The following MLPH variants were observed in gnomAD, a reference collection of about 807,000 sequenced individuals.
MLPH encodes exophilin-3.
In MLPH, 51 loss-of-function variants were observed where a neutral mutation model predicts 72.1. The ratio of observed to expected loss-of-function variants is 0.71; its 90% CI spans 0.56 to 0.89. The LOEUF is 0.89. MLPH is among the 40% of genes least tolerant of loss of function. The probability of loss-of-function intolerance (pLI) is 0.00; values close to 1 mark genes in which losing one functional copy is unlikely to be tolerated. For missense variants in MLPH, 743 were observed against 759.9 expected (o/e 0.98, Z 0.26); for synonymous variants, 301 against 310.1 (o/e 0.97, Z 0.31).
chr2:237,491,413 T>G (rs1008507222), intron 1 of MLPH, among the ~76,000 whole-genome samples: 2 of 152,234 alleles, frequency 1.3e-5, no homozygotes, highest in African/African-American at 4.8e-5. Context: ...AGAGCAGAGC[T>G]GGTCTGTCTG....
rs754491034 is a variant in MLPH, at chr2:237,512,093, C to A, written c.445+992C>A. 8.5e-5 allele frequency among the ~76,000 whole-genome samples: 13 copies of A among 152,318 alleles called. No individual in the cohort carries two copies. The highest frequency in any genetic ancestry group is 1.8e-4 in the Non-Finnish European group (12 of 68,028). ...ACCAAGGCGAGTTTCTCCAGGGCCACGAGGCAGCGCCTGGCTCCGGCAGCT... is the reference window on the plus strand; with the variant it reads ...ACCAAGGCGAGTTTCTCCAGGGCCAAGAGGCAGCGCCTGGCTCCGGCAGCT... On this transcript the variant is annotated intron_variant, in intron 4 of 15. Coordinates refer to ENST00000264605, the MANE Select transcript of MLPH (RefSeq NM_024101.7). This position sits in a 1 kb window ranked among gnomAD's most constrained non-coding sequence, Gnocchi z 5.5.
intron 1 of MLPH, among the ~76,000 whole-genome samples, chr2:237,490,186 C>T (rs536469166): frequency 1.3e-5 from 2 of 152,292 alleles, no homozygotes; most frequent in East Asian, 3.9e-4. Flanking sequence ...CCAGCTAGGG[C>T]AGGCACAGAG....
At chr2:237,538,854 G>T (rs2080598401) in intron 9 of MLPH, among the ~76,000 whole-genome samples, 1 of 152,228 alleles carries the variant, frequency 6.6e-6, no homozygotes, top group Admixed American at 6.5e-5. Context: ...AAGGCAGAAG[G>T]TCCCTGGGGT....
chr2:237,534,343 C>T (rs2080487054), intron 8 of MLPH, among the ~76,000 whole-genome samples: 1 of 152,198 alleles, frequency 6.6e-6, no homozygotes, highest in Admixed American at 6.5e-5. Flanking sequence ...CCCCACTCTC[C>T]CCTCTCTTGG....
At position 237,505,476 on chromosome 2, in the gene MLPH, C is replaced by T. The variant is rs1321613756; in HGVS notation, c.111-5098C>T. On this transcript the variant is annotated intron_variant, in intron 2 of 15. Transcript: ENST00000264605. This position sits in a 1 kb window ranked among gnomAD's most constrained non-coding sequence, Gnocchi z 4.5. ...GCCCACAGGACCCCTCATGCAGGCTCTTCCCCCGCCTGTGTGCTGGACCTT... is the reference window on the plus strand; with the variant it reads ...GCCCACAGGACCCCTCATGCAGGCTTTTCCCCCGCCTGTGTGCTGGACCTT... 6.6e-6 allele frequency among the ~76,000 whole-genome samples: 1 copy of T among 152,202 alleles called. No individual in the cohort carries two copies. The highest frequency in any genetic ancestry group is 1.5e-5 in the Non-Finnish European group (1 of 68,032).
intron 6 of MLPH, among the ~76,000 whole-genome samples, chr2:237,522,876 G>A (rs192043122): frequency 1.3e-5 from 2 of 152,206 alleles, no homozygotes; most frequent in Non-Finnish European, 2.9e-5. Context: ...TCACCGATGC[G>A]GTTGTACTGG....
chr2:237,538,199 C>T (rs1178167564), intron 9 of MLPH, among the ~76,000 whole-genome samples: 4 of 152,188 alleles, frequency 2.6e-5, no homozygotes, highest in Admixed American at 6.5e-5. Flanking sequence ...GCAGGAAACA[C>T]GCAACTGCTG....
At chr2:237,494,383 G>A (rs573665475) in intron 2 of MLPH, among the ~76,000 whole-genome samples, 4 of 152,142 alleles carry the variant, frequency 2.6e-5, no homozygotes, top group Admixed American at 2.6e-4. Flanking sequence ...AGGAAGAGAG[G>A]CAGTTGGAGA....
In MLPH at chr2:237,534,226, C is replaced by T. The variant is rs371336994; in HGVS notation, c.1021-338C>T. On this transcript the variant is annotated intron_variant, in intron 8 of 15. Transcript: ENST00000264605. The stretch of plus-strand genomic sequence containing the variant: ...TTAACTGATGTCTTCCTGTGCTGCT[C>T]GGTACCGGCAGTGACAGTGGCTGTC... 7.2e-5 allele frequency among the ~76,000 whole-genome samples: 11 copies of T among 152,290 alleles called. No individual in the cohort carries two copies. In the East Asian group the frequency reaches 9.7e-4, roughly 13 times the overall value.
chr2:237,520,095 C>T (rs2080148298), intron 6 of MLPH, 66 bp downstream of exon 6: 2 of 1,607,738 alleles, frequency 1.2e-6, no homozygotes, highest in African/African-American at 1.3e-5. Flanking sequence ...GCTCAGGCCC[C>T]AGGTGAGGGA....
chr2:237,526,117 G>A (rs1007885218), intron 7 of MLPH, among the ~76,000 whole-genome samples: 6 of 152,174 alleles, frequency 3.9e-5, no homozygotes, highest in Non-Finnish European at 5.9e-5. Flanking sequence ...CTGGTCAACC[G>A]GCCAACCATC....
intron 4 of MLPH, among the ~76,000 whole-genome samples, chr2:237,516,846 T>A (rs1213092856): frequency 6.7e-6 from 1 of 149,090 alleles, no homozygotes; most frequent in Non-Finnish European, 1.5e-5. Flanking sequence ...GATGGATGGA[T>A]GGATGGATGA....
chr2:237,518,064 G>C (rs896919109), intron 4 of MLPH: 2 of 275,962 alleles, frequency 7.2e-6, no homozygotes, highest in Non-Finnish European at 1.4e-5. Flanking sequence ...GCCACTGATT[G>C]ATTGGGTAGA....
chr2:237,551,011 T>G (rs924076086), intron 14 of MLPH, among the ~76,000 whole-genome samples: 39 of 152,356 alleles, frequency 2.6e-4, no homozygotes, highest in African/African-American at 9.4e-4. Flanking sequence ...ACAGGAATTT[T>G]GGGGTCTGAA....
At chr2:237,516,044 C>T (rs2080010487) in intron 4 of MLPH, among the ~76,000 whole-genome samples, 1 of 152,244 alleles carries the variant, frequency 6.6e-6, no homozygotes, top group Non-Finnish European at 1.5e-5. Context: ...GTTGACAATG[C>T]ACACTCCAAT....
At chr2:237,515,506 C>T (rs2079996669) in intron 4 of MLPH, among the ~76,000 whole-genome samples, 2 of 152,160 alleles carry the variant, frequency 1.3e-5, no homozygotes, top group Admixed American at 6.5e-5. Context: ...AGGATCCCCA[C>T]GGGGATCACA....
At chr2:237,532,529 C>G (rs116465608) in intron 8 of MLPH, among the ~76,000 whole-genome samples, 1 of 152,226 alleles carries the variant, frequency 6.6e-6, no homozygotes. Context: ...CAGACACTGA[C>G]GGTTTCCCAT....
chr2:237,514,849 C>T (rs1419343063), intron 4 of MLPH, among the ~76,000 whole-genome samples: 4 of 152,190 alleles, frequency 2.6e-5, no homozygotes, highest in Non-Finnish European at 5.9e-5. Flanking sequence ...GCCCTCTGAG[C>T]CCAGGCAGGC....
intron 9 of MLPH, among the ~76,000 whole-genome samples, chr2:237,536,016 A>C (rs2080523271): frequency 6.6e-6 from 1 of 152,168 alleles, no homozygotes; most frequent in Non-Finnish European, 1.5e-5. Context: ...AGAGGCTCCC[A>C]ATCATTTAAA....
Sources: allele counts gnomAD v4.1 joint callset (sites outside exome capture counted in the v4.1 genomes callset), GRCh38; gene constraint gnomAD v4.1.1; non-coding constraint Gnocchi (gnomAD v3.1); transcripts MANE v1.5; gene names NCBI Gene and HGNC (gene_info 2026-07-23, HGNC 2026-07-21).